Variants in NBEAL1 observed in about 807,000 individuals in gnomAD.
NBEAL1 encodes neurobeachin-like protein 1.
In NBEAL1, 273 loss-of-function variants were observed where a neutral mutation model predicts 351.3. The ratio of observed to expected loss-of-function variants is 0.78; its 90% CI spans 0.70 to 0.86. The LOEUF is 0.86. NBEAL1 is among the 40% of genes least tolerant of loss of function. The probability of loss-of-function intolerance (pLI) is 0.00; values close to 1 mark genes in which losing one functional copy is unlikely to be tolerated. For missense variants in NBEAL1, 2,961 were observed against 3,201.3 expected (o/e 0.92, Z 1.81); for synonymous variants, 1,050 against 1,086.4 (o/e 0.97, Z 0.66).
chr2:203,074,484 T>C (rs1446780202), intron 7 of NBEAL1, among the ~76,000 whole-genome samples: 1 of 151,962 alleles, frequency 6.6e-6, no homozygotes, highest in Non-Finnish European at 1.5e-5. Flanking sequence ...CCCGCCATCA[T>C]ACCCAGCTAA....
At chr2:203,044,365 A>G (rs576996946) in intron 3 of NBEAL1, among the ~76,000 whole-genome samples, 48 of 152,332 alleles carry the variant, frequency 3.2e-4, no homozygotes, top group African/African-American at 1.1e-3. Context: ...TTCTGTTTTA[A>G]TAATTTATAG....
rs1559038787 is a variant in NBEAL1, at chr2:203,175,268, A to G, written c.6445A>G (p.Ile2149Val). The G allele has an allele frequency of 1.2e-6, 2 of 1,613,526 alleles. No homozygotes were observed. Among genetic ancestry groups the G allele is most frequent in the East Asian group, 2.2e-5 (1 of 44,848 alleles). Reference sequence around the variant, plus strand: ...TGTAGAACCGTTCACCACCCTCCACATCCAACTTCAGAGTGGAAGGTATGT... The same window carrying G: ...TGTAGAACCGTTCACCACCCTCCACGTCCAACTTCAGAGTGGAAGGTATGT... ...IRVEPFTTLH[I>V]QLQSGRFDCA... Residue 2149 changes from isoleucine to valine, a missense_variant, in exon 42 of 56, where the codon ATC becomes GTC. Coordinates refer to ENST00000683969, the MANE Select transcript of NBEAL1 (RefSeq NM_001378026.1).
chr2:203,206,689 G>A (rs1472731763), intron 51 of NBEAL1, among the ~76,000 whole-genome samples: 5 of 152,010 alleles, frequency 3.3e-5, no homozygotes, highest in Non-Finnish European at 5.9e-5. Flanking sequence ...CCGAGGTGCC[G>A]GGATTGCAGA....
At chr2:203,092,167 GA>G in intron 10 of NBEAL1, among the ~76,000 whole-genome samples, 1 of 152,108 alleles carries the variant, frequency 6.6e-6, no homozygotes, top group Non-Finnish European at 1.5e-5. Flanking sequence ...TAGAAAAGTA[GA>G]AAAATAGCAG....
intron 31 of NBEAL1, among the ~76,000 whole-genome samples, chr2:203,143,856 AATAAAG>A (rs1179020332): frequency 1.2e-4 from 19 of 152,298 alleles, no homozygotes; most frequent in African/African-American, 4.6e-4. Context: ...TATCCAATAT[AATAAAG>A]ATAATGTCTC....
At chr2:203,142,343 A>G (rs926725040) in intron 31 of NBEAL1, among the ~76,000 whole-genome samples, 1 of 152,062 alleles carries the variant, frequency 6.6e-6, no homozygotes, top group African/African-American at 2.4e-5. Flanking sequence ...TTTAGTAGAG[A>G]TGGCATTTCG....
At position 203,221,848 on chromosome 2, in the gene NBEAL1, C is replaced by A. The variant is rs1374032721; in HGVS notation, c.*4494C>A. On this transcript the variant is annotated 3_prime_UTR_variant, in exon 56 of 56. Coordinates refer to ENST00000683969, the MANE Select transcript of NBEAL1 (RefSeq NM_001378026.1). Reference sequence around the variant, plus strand: ...TAGGCAACAATATAGTGTTATCAGTCATCATTTTAATATGATTTAAAATGT... The same window carrying A: ...TAGGCAACAATATAGTGTTATCAGTAATCATTTTAATATGATTTAAAATGT... 1.3e-5 allele frequency among the ~76,000 whole-genome samples: 2 copies of A among 152,160 alleles called. No homozygotes were observed. The highest frequency in any genetic ancestry group is 2.9e-5 in the Non-Finnish European group (2 of 68,038).
At position 203,049,836 on chromosome 2, in the gene NBEAL1, A is replaced by C. The variant is rs568090402; in HGVS notation, c.166A>C (p.Ile56Leu). Residue 56 changes from isoleucine (I) to leucine (L), a missense_variant, in exon 4 of 56, where the codon ATA (isoleucine) becomes CTA (leucine). Ile to Leu is a conservative substitution (Grantham distance 5, BLOSUM62 2). Coordinates refer to ENST00000683969, the MANE Select transcript of NBEAL1 (RefSeq NM_001378026.1). ...TAGGGTAGATGATATGCCTCCAGGA[A>C]TATCTCTGCTTCCTGATAATATTCT... ...PTRVDDMPPG[I>L]SLLPDNILQV... 8 of 1,552,988 alleles carry C rather than the reference A, an allele frequency of 5.2e-6. No individual in the cohort carries two copies. In the South Asian group the frequency reaches 8.3e-5, roughly 16 times the overall value.
intron 36 of NBEAL1, among the ~76,000 whole-genome samples, chr2:203,159,119 C>T (rs1023739522): frequency 6.6e-6 from 1 of 152,126 alleles, no homozygotes; most frequent in East Asian, 1.9e-4. Context: ...TGAGCCGCTG[C>T]ACCCAGCCCT....
At chr2:203,079,069 T>C (rs1574940030) in intron 8 of NBEAL1, among the ~76,000 whole-genome samples, 1 of 152,240 alleles carries the variant, frequency 6.6e-6, no homozygotes, top group Non-Finnish European at 1.5e-5. Flanking sequence ...AAGTTTGTTT[T>C]GTTTTGTTTT....
At chr2:203,041,496 A>G (rs1034862655) in intron 2 of NBEAL1, among the ~76,000 whole-genome samples, 1 of 152,220 alleles carries the variant, frequency 6.6e-6, no homozygotes, top group Non-Finnish European at 1.5e-5. Context: ...AGTACAGGGT[A>G]ACAGTGGACA....
rs2061802657 is a variant in NBEAL1 at position 203,077,771 on chromosome 2, A to G, written c.618A>G (p.Glu206=). ...PFFYQCFQES[E]HLKESLKCCL... is the part of the protein sequence containing the mutation. ...TTACAGAATGTTTTCAGGAAAGTGAACATCTCAAGGAAAGTCTTAAATGTT... is the reference window on the plus strand; with the variant it reads ...TTACAGAATGTTTTCAGGAAAGTGAGCATCTCAAGGAAAGTCTTAAATGTT... Residue 206 remains glutamate (E), a synonymous_variant, in exon 8 of 56, where the codon GAA becomes GAG. Coordinates refer to ENST00000683969, the MANE Select transcript of NBEAL1 (RefSeq NM_001378026.1). 1.4e-6 allele frequency: 2 copies of G among 1,449,806 alleles called. No homozygotes were observed. Among genetic ancestry groups the G allele is most frequent in the Admixed American group, 2.3e-5 (1 of 42,658 alleles). 89.8% of individuals were successfully genotyped at this position (1,449,806 alleles called of 1,614,324 possible).
At chr2:203,190,498 C>A in intron 46 of NBEAL1, 109 bp downstream of exon 46, 1 of 817,316 alleles carries the variant, frequency 1.2e-6, no homozygotes, top group Non-Finnish European at 2.0e-6. Context: ...TACTCTCAGT[C>A]ACAGAAAGAT....
intron 2 of NBEAL1, among the ~76,000 whole-genome samples, chr2:203,023,266 G>T (rs552634165): frequency 6.6e-6 from 1 of 152,250 alleles, no homozygotes; most frequent in Non-Finnish European, 1.5e-5. Flanking sequence ...GTGTGAAAAT[G>T]GCTCTTGATT....
rs1288397752 is a variant in NBEAL1 at position 203,107,713 on chromosome 2, C to A, written c.1474C>A (p.Gln492Lys). 2 of 1,553,382 alleles carry A rather than the reference C, an allele frequency of 1.3e-6. No individual in the cohort carries two copies. The highest frequency in any genetic ancestry group is 2.7e-5 in the African/African-American group (2 of 73,292). Residue 492 changes from glutamine to lysine, a missense_variant, in exon 14 of 56, where the codon CAA (glutamine) becomes AAA (lysine). Gln to Lys is a moderately conservative substitution (Grantham distance 53, BLOSUM62 1). Coordinates refer to ENST00000683969, the MANE Select transcript of NBEAL1 (RefSeq NM_001378026.1). ...TCCAGAACTACAATCCCATGACCTGCAAATCTTCATCTCTGATTGGCTGAA... is the reference window on the plus strand; with the variant it reads ...TCCAGAACTACAATCCCATGACCTGAAAATCTTCATCTCTGATTGGCTGAA... Reference protein sequence around the residue: ...WLPELQSHDLQIFISDWLKRI... With the variant: ...WLPELQSHDLKIFISDWLKRI...
intron 12 of NBEAL1, among the ~76,000 whole-genome samples, 199 bp downstream of exon 12, chr2:203,099,911 A>G (rs997443446): frequency 6.6e-6 from 1 of 152,124 alleles, no homozygotes; most frequent in Non-Finnish European, 1.5e-5. Context: ...TTCATCCTCA[A>G]GTAGGCCCTG....
chr2:203,126,234 A>G, intron 21 of NBEAL1, 141 bp downstream of exon 21: 1 of 900,972 alleles, frequency 1.1e-6, no homozygotes, highest in Admixed American at 3.5e-5. Flanking sequence ...GTTCACAGGC[A>G]GCTTTTAAAA....
At chr2:203,023,431 A>G (rs776430894) in intron 2 of NBEAL1, among the ~76,000 whole-genome samples, 1 of 152,352 alleles carries the variant, frequency 6.6e-6, no homozygotes, top group East Asian at 1.9e-4. Flanking sequence ...TGTATAGTTT[A>G]TATCAGTGGA....
rs1158406587 is a variant in NBEAL1 at position 203,187,364 on chromosome 2, A to G, written c.6706-1108A>G. ...TGAGCCACCATGCCTGGCTCTTGCA[A>G]TGGTTTTTTTTTTTTTTTTTTTTTG... is the stretch of plus-strand genomic sequence containing the variant. On this transcript the variant is annotated intron_variant, in intron 44 of 55. Coordinates refer to ENST00000683969, the MANE Select transcript of NBEAL1 (RefSeq NM_001378026.1). 7.9e-5 allele frequency among the ~76,000 whole-genome samples: 6 copies of G among 76,148 alleles called. No individual in the cohort carries two copies. The Admixed American group carries it at 1.3e-3, about 16-fold the overall frequency. 50.0% of individuals were successfully genotyped at this position (76,148 alleles called of 152,430 possible).
Sources: gnomAD v4.1 joint callset for allele counts (sites outside exome capture counted in the v4.1 genomes callset) on GRCh38, gnomAD v4.1.1 for gene constraint, MANE v1.5 for transcripts, NCBI Gene and HGNC (gene_info 2026-07-23, HGNC 2026-07-21) for gene names.